ASTN1: variants seen among roughly 807,000 people sequenced by gnomAD.
The protein encoded by ASTN1 is astrotactin 1.
Under a neutral mutation model 140.7 loss-of-function variants are expected in ASTN1, and 41 were observed. That is an observed-to-expected ratio of 0.29 (90% confidence interval 0.23 to 0.38). The LOEUF (loss-of-function observed/expected upper bound fraction) is 0.38, where lower values mean the gene tolerates loss of function less well. Ranked by LOEUF, ASTN1 falls within the 10% of genes least tolerant of loss-of-function variation. ASTN1 has a pLI of 1.00. For missense variants in ASTN1, 1,479 were observed against 1,678.8 expected (o/e 0.88, Z 2.08); for synonymous variants, 640 against 652.2 (o/e 0.98, Z 0.29).
chr1:176,865,766 C>T (rs1239644748), intron 22 of ASTN1, among the ~76,000 whole-genome samples: 1 of 152,156 alleles, frequency 6.6e-6, no homozygotes, highest in Non-Finnish European at 1.5e-5. Flanking sequence ...GGGCAATTTA[C>T]AAAAGAAAGG....
At chr1:177,073,530 T>C (rs1678745862) in intron 1 of ASTN1, among the ~76,000 whole-genome samples, 1 of 149,816 alleles carries the variant, frequency 6.7e-6, no homozygotes, top group African/African-American at 2.5e-5. Flanking sequence ...CTGCCTTGTA[T>C]CAGGAGACTC....
At chr1:177,081,344 T>C (rs895741503) in intron 1 of ASTN1, among the ~76,000 whole-genome samples, 3 of 152,166 alleles carry the variant, frequency 2.0e-5, no homozygotes, top group Non-Finnish European at 4.4e-5. Flanking sequence ...CAAATATGAA[T>C]GAGCTTGTCC....
chr1:177,005,858 C>G (rs1429567277), intron 8 of ASTN1, among the ~76,000 whole-genome samples: 1 of 152,202 alleles, frequency 6.6e-6, no homozygotes, highest in Non-Finnish European at 1.5e-5. Flanking sequence ...TTCCACTCGC[C>G]TTGACCTCCC....
intron 1 of ASTN1, among the ~76,000 whole-genome samples, chr1:177,115,956 T>A (rs1345985178): frequency 6.6e-6 from 1 of 152,202 alleles, no homozygotes; most frequent in African/African-American, 2.4e-5. Context: ...ATTTCCTCCA[T>A]GTTTTAGAAT....
At chr1:176,939,508 G>A (rs747546159) in intron 14 of ASTN1, among the ~76,000 whole-genome samples, 5 of 152,010 alleles carry the variant, frequency 3.3e-5, no homozygotes, top group East Asian at 1.9e-4. Flanking sequence ...CCATGCCTGC[G>A]TACAGATAAT....
chr1:177,120,768 A>G (rs227519), intron 1 of ASTN1, among the ~76,000 whole-genome samples: 38,151 of 152,022 alleles, frequency 0.25, 7,325 homozygotes, highest in African/African-American at 0.55. Flanking sequence ...GATTCTGAGG[A>G]AGATATCTAG....
At chr1:177,018,298 T>C (rs1038757035) in intron 7 of ASTN1, among the ~76,000 whole-genome samples, 3 of 152,022 alleles carry the variant, frequency 2.0e-5, no homozygotes, top group Non-Finnish European at 2.9e-5. Context: ...AGGAACAAAA[T>C]CGGGACTGAG....
intron 12 of ASTN1, among the ~76,000 whole-genome samples, chr1:176,948,493 G>A (rs1033464008): frequency 6.6e-6 from 1 of 152,180 alleles, no homozygotes; most frequent in Non-Finnish European, 1.5e-5. Context: ...GAATCCAGTC[G>A]TAATCTTCTC....
chr1:177,136,048 C>T (rs917083066), intron 1 of ASTN1, among the ~76,000 whole-genome samples: 10 of 152,156 alleles, frequency 6.6e-5, no homozygotes, highest in African/African-American at 2.4e-4. Context: ...GAAAGTAGTA[C>T]CACTGCTCAT....
intron 1 of ASTN1, among the ~76,000 whole-genome samples, chr1:177,076,075 C>G (rs991729464): frequency 1.3e-5 from 2 of 151,658 alleles, no homozygotes; most frequent in Admixed American, 6.6e-5. Context: ...GTCGAAAGAT[C>G]GAGACCATCC....
chr1:177,155,927 C>G (rs1683215474), intron 1 of ASTN1, among the ~76,000 whole-genome samples: 1 of 152,134 alleles, frequency 6.6e-6, no homozygotes, highest in Admixed American at 6.6e-5. Context: ...CCTGTAACAA[C>G]AAGCACACTT....
intron 15 of ASTN1, 94 bp from the exon 16 acceptor site, chr1:176,934,434 G>A (rs926531531): frequency 6.8e-5 from 87 of 1,287,648 alleles, no homozygotes; most frequent in Non-Finnish European, 8.8e-5. Flanking sequence ...GGAAGTGCCT[G>A]TGTGGCTCAA....
chr1:177,006,211 T>A (rs1403973251), intron 8 of ASTN1, among the ~76,000 whole-genome samples: 1 of 152,178 alleles, frequency 6.6e-6, no homozygotes, highest in Non-Finnish European at 1.5e-5. Flanking sequence ...ACAAACATAC[T>A]TTTAATGCTT....
chr1:176,864,079 G>T lies in ASTN1; in HGVS notation c.*205C>A. On this transcript the variant is annotated 3_prime_UTR_variant, in exon 23 of 23. Coordinates refer to ENST00000361833, the MANE Select transcript of ASTN1 (RefSeq NM_004319.3). ...AATATGGCACTGCATGAAGCCACTG[G>T]CTGGCAGATTTCCCAATCATGCAGA... is the stretch of plus-strand genomic sequence containing the variant. 1 of 1,400,202 alleles carries T rather than the reference G, an allele frequency of 7.1e-7. No individual in the cohort carries two copies. The highest frequency in any genetic ancestry group is 9.3e-7 in the Non-Finnish European group (1 of 1,079,162). The allele number at this position is 1,400,202 out of a possible 1,614,324, so 86.7% of individuals were successfully genotyped here.
rs1675467980 is a variant in ASTN1, at chr1:177,014,862, G to A, written c.1452C>T (p.Cys484=). Residue 484 remains cysteine, a synonymous_variant, in exon 8 of 23, where the codon TGC becomes TGT. Transcript: ENST00000361833. ...QCDPETGECL[C]YEGYMKDPVH... ...CTGGATCCTTCATGTAGCCTTCATA[G>A]CAGAGGCATTCCCCTTAGAAGCAGG... 2 of 1,613,376 alleles carry A rather than the reference G, an allele frequency of 1.2e-6. No homozygotes were observed. Among genetic ancestry groups the A allele is most frequent in the African/African-American group, 1.3e-5 (1 of 74,882 alleles).
Position 176,894,555 on chromosome 1 carries a change from C to T in ASTN1, c.2940+7G>A. The T allele has an allele frequency of 6.2e-7, 1 of 1,613,438 alleles. No homozygotes were observed. Among genetic ancestry groups the T allele is most frequent in the Non-Finnish European group, 8.5e-7 (1 of 1,179,848 alleles). ...CCTCCCAGAGCCAAGAGTCCCAGGC[C>T]TCTTACCCTCTGGGTCTGGTTGTTG... On this transcript the variant is annotated splice_region_variant and intron_variant, in intron 17 of 22. Coordinates refer to ENST00000361833, the MANE Select transcript of ASTN1 (RefSeq NM_004319.3).
intron 1 of ASTN1, among the ~76,000 whole-genome samples, chr1:177,078,681 G>A (rs1159540133): frequency 6.6e-6 from 1 of 152,160 alleles, no homozygotes; most frequent in Non-Finnish European, 1.5e-5. Context: ...TCTGCAAAAT[G>A]GGAATCATGA....
intron 2 of ASTN1, among the ~76,000 whole-genome samples, chr1:177,057,141 A>C (rs1677844775): frequency 6.6e-6 from 1 of 152,210 alleles, no homozygotes; most frequent in African/African-American, 2.4e-5. Flanking sequence ...CAATTATTCT[A>C]TGCAAGGAAG....
At chr1:177,043,641 C>G (rs1215839806) in intron 2 of ASTN1, among the ~76,000 whole-genome samples, 1 of 152,230 alleles carries the variant, frequency 6.6e-6, no homozygotes, top group Non-Finnish European at 1.5e-5. Flanking sequence ...TGGTCTTATC[C>G]CTTGTACCAT....
Sources: gnomAD v4.1 joint callset for allele counts (sites outside exome capture counted in the v4.1 genomes callset) on GRCh38, gnomAD v4.1.1 for gene constraint, MANE v1.5 for transcripts, NCBI Gene and HGNC (gene_info 2026-07-23, HGNC 2026-07-21) for gene names.